Variants in UNC13A observed in about 807,000 individuals in gnomAD.
The protein encoded by UNC13A is protein unc-13 homolog A.
In UNC13A, 61 loss-of-function variants were observed where a neutral mutation model predicts 219.7. That is an observed-to-expected ratio of 0.28 (90% CI 0.23 to 0.34). The LOEUF (loss-of-function observed/expected upper bound fraction) is 0.34. Ranked by LOEUF, UNC13A falls within the 10% of genes least tolerant of loss-of-function variation. The pLI, the probability that UNC13A is intolerant of heterozygous loss-of-function variation, is 1.00. For synonymous variants in UNC13A, 920 were observed against 884.6 expected (o/e 1.04, Z -0.71); for missense variants, 1,476 against 2,270.3 (o/e 0.65, Z 7.11).
chr19:17,610,502 C>T (rs976051385), intron 42 of UNC13A, among the ~76,000 whole-genome samples: 8 of 152,078 alleles, frequency 5.3e-5, no homozygotes, highest in African/African-American at 1.7e-4. Flanking sequence ...ACCCCTCGCC[C>T]GCCGCCAAAA....
At chr19:17,641,649 T>C in intron 20 of UNC13A, 93 bp from the exon 21 acceptor site, 8 of 1,288,138 alleles carry the variant, frequency 6.2e-6, no homozygotes, top group Non-Finnish European at 4.3e-6. Context: ...ATCATCCATC[T>C]GCCTGTTTAT....
intron 39 of UNC13A, 24 bp from the exon 40 acceptor site, chr19:17,618,525 A>G: frequency 6.4e-7 from 1 of 1,571,266 alleles, no homozygotes; most frequent in South Asian, 1.2e-5. Context: ...GAGAGGGGCC[A>G]TGTGGGTGGA....
chr19:17,659,148 A>T (rs2079509818), intron 8 of UNC13A, among the ~76,000 whole-genome samples: 1 of 152,216 alleles, frequency 6.6e-6, no homozygotes, highest in Non-Finnish European at 1.5e-5. Flanking sequence ...CTTTATTTTA[A>T]AAGTAAAGCA....
intron 19 of UNC13A, 97 bp from the exon 20 acceptor site, chr19:17,643,057 G>C: frequency 1.0e-6 from 1 of 954,556 alleles, no homozygotes; most frequent in Non-Finnish European, 1.6e-6. Flanking sequence ...TGTCACCCAG[G>C]CTGGAGTGCA....
chr19:17,654,506 C>T (rs570926748), intron 11 of UNC13A, among the ~76,000 whole-genome samples: 76 of 152,292 alleles, frequency 5.0e-4, no homozygotes, highest in African/African-American at 1.7e-3. Flanking sequence ...TGTTTAGAAT[C>T]TCCTCCTGCC....
chr19:17,647,247 C>G lies in UNC13A; in HGVS notation c.2044+18G>C. Reference sequence around the variant, plus strand: ...GGGTGGAGAAGGAGGGGCCCTATGGCGGCCCACGCCCCCTCACCGGTGATG... The same window carrying G: ...GGGTGGAGAAGGAGGGGCCCTATGGGGGCCCACGCCCCCTCACCGGTGATG... On this transcript the variant is annotated intron_variant, in intron 17 of 43. Transcript: ENST00000519716. The G allele has an allele frequency of 6.5e-7, 1 of 1,548,632 alleles. No homozygotes were observed. Among genetic ancestry groups the G allele is most frequent in the Admixed American group, 1.9e-5 (1 of 51,290 alleles).
intron 21 of UNC13A, among the ~76,000 whole-genome samples, chr19:17,641,076 A>C (rs1669176072): frequency 6.6e-6 from 1 of 151,642 alleles, no homozygotes; most frequent in Admixed American, 6.6e-5. Flanking sequence ...ATGGGGTTTC[A>C]CCATGTTGGC....
At position 17,652,641 on chromosome 19, in the gene UNC13A, A is replaced by G. The variant is rs1488878422; in HGVS notation, c.1429T>C (p.Phe477Leu). The G allele has an allele frequency of 1.7e-5, 27 of 1,613,548 alleles. No homozygotes were observed. Among genetic ancestry groups the G allele is most frequent in the Non-Finnish European group, 2.3e-5 (27 of 1,179,742 alleles). ...GEGEMSKSLWFKGGPGGGLII... is the reference protein window; with the variant it reads ...GEGEMSKSLWLKGGPGGGLII... ...AGTTTCATTACTTACCCGCCTTTGA[A>G]CCATAGGGATTTAGACATCTCTCCT... Residue 477 changes from phenylalanine (F) to leucine (L), a missense_variant, in exon 12 of 44, where the codon TTC becomes CTC. By Grantham distance (22) the Phe-to-Leu change is conservative. Around this residue, in one of 14 missense-constraint regions of UNC13A, gnomAD observed 351 missense variants for 342.6 expected, o/e 1.02. Coordinates refer to ENST00000519716, the MANE Select transcript of UNC13A (RefSeq NM_001080421.3).
At chr19:17,642,135 T>C (rs1485799494) in intron 20 of UNC13A, among the ~76,000 whole-genome samples, 5 of 151,840 alleles carry the variant, frequency 3.3e-5, no homozygotes, top group African/African-American at 1.2e-4. Context: ...CACACTTCCA[T>C]CCATCCCATC....
At chr19:17,686,835 G>A (rs1406765275) in intron 1 of UNC13A, among the ~76,000 whole-genome samples, 3 of 149,894 alleles carry the variant, frequency 2.0e-5, no homozygotes, top group African/African-American at 7.3e-5. Context: ...GGGGAGGGAG[G>A]AGGAGGGGCG....
Position 17,663,544 on chromosome 19 carries a change from C to T in UNC13A, c.547G>A (p.Gly183Ser), listed in dbSNP as rs779796445. ...QCCNWNYFGW[G>S]EQHNDDPDSA... is the part of the protein sequence containing the mutation. ...GCTGAGTACTTACTGTGCTGCTCAC[C>T]CCAGCCAAAATAATTCCAGTTGCCT... Residue 183 changes from glycine (G) to serine (S), a missense_variant, in exon 8 of 44, where the codon GGT becomes AGT. Physicochemically the swap from Gly to Ser is moderately conservative, Grantham distance 56. This residue lies in a region of UNC13A where 203 missense variants were observed against 301.6 expected (regional missense o/e 0.67). Transcript: ENST00000519716. 16 of 1,612,672 alleles carry T rather than the reference C, an allele frequency of 9.9e-6. No individual in the cohort carries two copies. The highest frequency in any genetic ancestry group is 1.4e-5 in the Non-Finnish European group (16 of 1,179,442).
intron 1 of UNC13A, among the ~76,000 whole-genome samples, chr19:17,680,269 G>T (rs1366006431): frequency 1.3e-5 from 2 of 152,164 alleles, no homozygotes; most frequent in Admixed American, 1.3e-4. Context: ...CGTCTTCGTC[G>T]TCACATCCCG....
chr19:17,666,187 CTCTT>C (rs149886943), intron 7 of UNC13A, among the ~76,000 whole-genome samples: 2,479 of 31,098 alleles, frequency 0.08, 30 homozygotes, highest in Middle Eastern at 0.12. Context: ...TTCTCTCTCT[CTCTT>C]TCTCTCTTTC....
In UNC13A at chr19:17,649,674, G is replaced by T; in HGVS notation, c.1440-87C>A. 6.8e-7 allele frequency: 1 copy of T among 1,467,364 alleles called. No homozygotes were observed. 90.9% of individuals were successfully genotyped at this position (1,467,364 alleles called of 1,614,324 possible). A position where few individuals can be genotyped will look rare whatever the true frequency, so the allele number is the denominator to read the frequency against. ...GGAGAACATTCAACCTCCCCCAGGTGTTAAGGGGTTGAATTGGGTCCCTCA... is the reference window on the plus strand; with the variant it reads ...GGAGAACATTCAACCTCCCCCAGGTTTTAAGGGGTTGAATTGGGTCCCTCA... On this transcript the variant is annotated intron_variant, in intron 12 of 43. Coordinates refer to ENST00000519716, the MANE Select transcript of UNC13A (RefSeq NM_001080421.3). This position sits in a 1 kb window ranked among gnomAD's most constrained non-coding sequence, Gnocchi z 4.4.
At chr19:17,617,649 G>A (rs1383381933) in intron 41 of UNC13A, 53 bp downstream of exon 41, 9 of 1,599,030 alleles carry the variant, frequency 5.6e-6, no homozygotes, top group East Asian at 2.2e-5. Context: ...CAGGCTTGGG[G>A]CGGGGCTGTC....
chr19:17,636,675 C>T (rs1336586014), intron 25 of UNC13A, among the ~76,000 whole-genome samples: 3 of 152,194 alleles, frequency 2.0e-5, no homozygotes, highest in Non-Finnish European at 4.4e-5. Flanking sequence ...TCGAACTCAA[C>T]TCTACCCAAG....
chr19:17,640,093 G>A (rs145889856), intron 22 of UNC13A, among the ~76,000 whole-genome samples, 185 bp from the exon 23 acceptor site: 5 of 152,000 alleles, frequency 3.3e-5, no homozygotes, highest in Middle Eastern at 3.4e-3. Context: ...GGAGTGTAGT[G>A]GCGCAGTCTC....
In UNC13A at chr19:17,646,527, G is replaced by C. The variant is rs2077028932; in HGVS notation, c.2045-416C>G. 1.3e-5 allele frequency among the ~76,000 whole-genome samples: 2 copies of C among 152,096 alleles called. 1 individual carries two copies. The highest frequency in any genetic ancestry group is 4.1e-4 in the South Asian group (2 of 4,828). On this transcript the variant is annotated intron_variant, in intron 17 of 43. Transcript: ENST00000519716. ...TGCCTCAGCCTCAGCCTCCCAAAGT[G>C]CTGGGAAGGAGTCCCCAAACCATGA...
intron 43 of UNC13A, 21 bp from the exon 44 acceptor site, chr19:17,606,375 C>T (rs774996511): frequency 1.2e-5 from 18 of 1,538,242 alleles, no homozygotes; most frequent in Non-Finnish European, 1.6e-5. Context: ...AGGGGCGGAA[C>T]GTGAGACAGG....
Sources: allele counts gnomAD v4.1 joint callset (sites outside exome capture counted in the v4.1 genomes callset), GRCh38; gene constraint gnomAD v4.1.1; regional missense constraint gnomAD v4.1.1; non-coding constraint Gnocchi (gnomAD v3.1); transcripts MANE v1.5; gene names NCBI Gene and HGNC (gene_info 2026-07-23, HGNC 2026-07-21).